IQCE: variants seen among roughly 807,000 people sequenced by gnomAD.
The protein encoded by IQCE is IQ motif containing E.
Under a neutral mutation model 96.0 loss-of-function variants are expected in IQCE, and 115 were observed. The ratio of observed to expected loss-of-function variants is 1.20; its 90% CI spans 1.03 to 1.40. The LOEUF is 1.40. Ranked by LOEUF, IQCE falls within the 40% of genes most tolerant of loss-of-function variation. The pLI is 0.00. For missense variants in IQCE, 1,041 were observed against 909.1 expected (o/e 1.15, Z -1.87); for synonymous variants, 412 against 371.2 (o/e 1.11, Z -1.26).
intron 17 of IQCE, among the ~76,000 whole-genome samples, chr7:2,600,313 G>A (rs1450149625): frequency 1.3e-5 from 2 of 152,164 alleles, no homozygotes; most frequent in South Asian, 2.1e-4. Flanking sequence ...CCATCCCCTC[G>A]GGACGTGGAT....
At position 2,610,107 on chromosome 7, in the gene IQCE, A is replaced by G; in HGVS notation, c.2033A>G (p.Asp678Gly). The part of the protein sequence containing the change: ...PLPGDDVNSD[D>G]SDDIVIAPSL... ...CCTGGGGATGACGTCAACTCCGATG[A>G]TTCCGACGATATTGTCATTGCACCG... Residue 678 changes from aspartate to glycine, a missense_variant, in exon 22 of 22, where the codon GAT (aspartate) becomes GGT (glycine). Coordinates refer to ENST00000402050, the MANE Select transcript of IQCE (RefSeq NM_152558.5). 6.2e-7 allele frequency: 1 copy of G among 1,613,494 alleles called. No homozygotes were observed. The highest frequency in any genetic ancestry group is 8.5e-7 in the Non-Finnish European group (1 of 1,179,438).
At chr7:2,568,842 C>T (rs149987815) in intron 2 of IQCE, 112 bp from the exon 3 acceptor site, 32 of 958,752 alleles carry the variant, frequency 3.3e-5, no homozygotes, top group African/African-American at 3.2e-4. Flanking sequence ...CGTAAGCTCA[C>T]GTCCTCTTGC....
intron 21 of IQCE, 93 bp downstream of exon 21, chr7:2,607,320 T>A (rs114500070): frequency 6.4e-7 from 1 of 1,554,942 alleles, no homozygotes; most frequent in African/African-American, 1.4e-5. Context: ...CCGGGCTGTG[T>A]CGGGACGGAA....
intron 8 of IQCE, 69 bp downstream of exon 8, chr7:2,578,595 C>T (rs370680861): frequency 7.1e-6 from 11 of 1,542,032 alleles, no homozygotes; most frequent in African/African-American, 4.1e-5. Flanking sequence ...CACAGAGGGA[C>T]GCCTTTCCCT....
chr7:2,570,486 A>G (rs1250779362), intron 3 of IQCE, among the ~76,000 whole-genome samples: 1 of 151,978 alleles, frequency 6.6e-6, no homozygotes, highest in African/African-American at 2.4e-5. Context: ...GGTCCCGGGT[A>G]AGTGAAGATG....
In IQCE at chr7:2,583,654, T is replaced by C. The variant is rs911683503; in HGVS notation, c.719T>C (p.Met240Thr). ...DGTISKLQTD[M>T]KTTNLEEMRI... Reference sequence around the variant, plus strand: ...GTTTTCAGCAAACTCCAGACCGATATGAAGACTACCAACCTGGAAGAGATG... The same window carrying C: ...GTTTTCAGCAAACTCCAGACCGATACGAAGACTACCAACCTGGAAGAGATG... The change falls in exon 10 of 22, where the codon ATG (methionine) becomes ACG (threonine). Residue 240 changes from methionine (M) to threonine (T), a missense_variant. Coordinates refer to ENST00000402050, the MANE Select transcript of IQCE (RefSeq NM_152558.5). 11 of 1,591,880 alleles carry C rather than the reference T, an allele frequency of 6.9e-6. No homozygotes were observed. The highest frequency in any genetic ancestry group is 4.6e-5 in the East Asian group (2 of 43,606).
chr7:2,566,307 T>TTG (rs1172925365), intron 1 of IQCE, among the ~76,000 whole-genome samples: 1 of 151,248 alleles, frequency 6.6e-6, no homozygotes, highest in African/African-American at 2.4e-5. Context: ...TTTTTTTTTT[T>TTG]GGCCATCCTC....
chr7:2,572,360 A>C, intron 5 of IQCE, 34 bp downstream of exon 5: 1 of 1,604,062 alleles, frequency 6.2e-7, no homozygotes, highest in Non-Finnish European at 8.5e-7. Context: ...GCTGAGGCCA[A>C]GGAAGAGCAG....
At chr7:2,583,882 G>A (rs1335801082) in intron 10 of IQCE, among the ~76,000 whole-genome samples, 173 bp downstream of exon 10, 1 of 71,482 alleles carries the variant, frequency 1.4e-5, no homozygotes, top group Non-Finnish European at 2.8e-5. Flanking sequence ...GTGGCGGGGC[G>A]GAGGGCGGGC....
rs1428920044 is a variant in IQCE, at chr7:2,610,127, G to A, written c.2053G>A (p.Ala685Thr). The change falls in exon 22 of 22, where the codon GCA becomes ACA. Residue 685 changes from alanine to threonine, a missense_variant. Transcript: ENST00000402050. ...NSDDSDDIVI[A>T]PSLPTKNFPV ...CGATGATTCCGACGATATTGTCATT[G>A]CACCGTCTCTGCCCACGAAGAACTT... The A allele has an allele frequency of 4.3e-6, 7 of 1,612,530 alleles. No individual in the cohort carries two copies. Among genetic ancestry groups the A allele is most frequent in the Non-Finnish European group, 5.9e-6 (7 of 1,178,624 alleles).
chr7:2,574,329 C>T (rs1257673121), intron 6 of IQCE, among the ~76,000 whole-genome samples: 1 of 152,214 alleles, frequency 6.6e-6, no homozygotes, highest in African/African-American at 2.4e-5. Flanking sequence ...ATCTGGAAGC[C>T]GTTTCCATTG....
chr7:2,607,580 A>C (rs996040094), intron 21 of IQCE: 2 of 1,219,476 alleles, frequency 1.6e-6, no homozygotes, highest in African/African-American at 3.1e-5. Context: ...GTTAAAGTCC[A>C]AAAACAGTCA....
At chr7:2,582,799 T>G in intron 9 of IQCE, 149 bp downstream of exon 9, 1 of 642,024 alleles carries the variant, frequency 1.6e-6, no homozygotes, top group Non-Finnish European at 2.8e-6. Flanking sequence ...TTTTAATTTT[T>G]TTATTGTCTT....
At chr7:2,579,699 T>TGG (rs1188467502) in intron 8 of IQCE, among the ~76,000 whole-genome samples, 5 of 107,398 alleles carry the variant, frequency 4.7e-5, no homozygotes, top group East Asian at 2.5e-4. Context: ...GTTGTTCTGG[T>TGG]GGTGTGTGTG....
At chr7:2,577,008 C>T (rs567094660) in intron 6 of IQCE, among the ~76,000 whole-genome samples, 2 of 152,238 alleles carry the variant, frequency 1.3e-5, no homozygotes, top group Admixed American at 6.5e-5. Context: ...AGGGTGGGAC[C>T]GTTCTTCTCT....
intron 8 of IQCE, among the ~76,000 whole-genome samples, 169 bp from the exon 9 acceptor site, chr7:2,582,411 A>G (rs1583442314): frequency 1.3e-5 from 2 of 152,252 alleles, no homozygotes; most frequent in East Asian, 3.9e-4. Context: ...CAGGGACAGG[A>G]CAGCACAGTG....
intron 13 of IQCE, among the ~76,000 whole-genome samples, chr7:2,588,289 G>A (rs770814494): frequency 1.2e-3 from 181 of 152,228 alleles, no homozygotes; most frequent in African/African-American, 3.6e-3. Context: ...TCCCCTATGC[G>A]ACTGCAAAGT....
intron 16 of IQCE, 65 bp from the exon 17 acceptor site, chr7:2,598,400 C>G (rs554772043): frequency 2.1e-6 from 3 of 1,456,720 alleles, no homozygotes; most frequent in African/African-American, 1.4e-5. Flanking sequence ...ATCCTGTCCC[C>G]TTGCCGGATA....
In IQCE at chr7:2,594,948, AAG is replaced by A. The variant is rs751495943; in HGVS notation, c.1415_1416del (p.Glu472GlyfsTer8). 16 of 1,613,576 alleles carry A rather than the reference AAG, an allele frequency of 9.9e-6. No homozygotes were observed. In the East Asian group the frequency reaches 1.8e-4, roughly 18 times the overall value. On this transcript the variant is annotated frameshift_variant, in exon 16 of 22. Transcript: ENST00000402050. LOFTEE classifies it high-confidence loss of function. ...TTGCAAGAAATGAAGAAAGAAGAGAAAGAGGATTGCCCGGAAGTTCCTCATAA... is the reference window on the plus strand; with the variant it reads ...TTGCAAGAAATGAAGAAAGAAGAGAAAGGATTGCCCGGAAGTTCCTCATAA...
Sources: gnomAD v4.1 joint callset for allele counts (sites outside exome capture counted in the v4.1 genomes callset) on GRCh38, gnomAD v4.1.1 for gene constraint, MANE v1.5 for transcripts, NCBI Gene and HGNC (gene_info 2026-07-23, HGNC 2026-07-21) for gene names.